Variants in ACACA observed in about 807,000 individuals in gnomAD.
The protein encoded by ACACA is acetyl-CoA carboxylase 1.
ACACA carries 103 observed loss-of-function variants against 296.1 expected under a neutral mutation model. That is an observed-to-expected ratio of 0.35 (90% CI 0.30 to 0.41). The LOEUF (loss-of-function observed/expected upper bound fraction) is 0.41, where lower values mean the gene tolerates loss of function less well. Ranked by LOEUF, ACACA falls within the 10% of genes least tolerant of loss-of-function variation. The probability of loss-of-function intolerance (pLI) is 1.00; values close to 1 mark genes in which losing one functional copy is unlikely to be tolerated. For synonymous variants in ACACA, 953 were observed against 1,038.6 expected (o/e 0.92, Z 1.58); for missense variants, 1,554 against 2,989.7 (o/e 0.52, Z 11.20).
intron 19 of ACACA, among the ~76,000 whole-genome samples, chr17:37,245,491 T>C (rs1321383636): frequency 6.6e-6 from 1 of 152,226 alleles, no homozygotes; most frequent in Admixed American, 6.5e-5. Context: ...TGTTTTGTAC[T>C]TAGAAAGTAA....
At chr17:37,332,449 T>C (rs191711193) in intron 2 of ACACA, among the ~76,000 whole-genome samples, 2 of 152,182 alleles carry the variant, frequency 1.3e-5, no homozygotes, top group African/African-American at 4.8e-5. Context: ...CAGTATTAAA[T>C]AGCTTGTACC....
chr17:37,302,732 G>T (rs891102713), intron 3 of ACACA, among the ~76,000 whole-genome samples: 13 of 151,972 alleles, frequency 8.6e-5, no homozygotes, highest in Admixed American at 4.6e-4. Context: ...TTTTTGGATT[G>T]TTCATTTCTA....
chr17:37,342,980 T>G (rs913913822), intron 1 of ACACA, among the ~76,000 whole-genome samples: 5 of 152,164 alleles, frequency 3.3e-5, no homozygotes, highest in Non-Finnish European at 7.4e-5. Flanking sequence ...TCAGAAATTT[T>G]TTTTTTCTTT....
chr17:37,282,284 C>A (rs956874954), intron 5 of ACACA, among the ~76,000 whole-genome samples: 1 of 152,142 alleles, frequency 6.6e-6, no homozygotes. Flanking sequence ...GCCTACTCCC[C>A]CTTCATCTTC....
At chr17:37,184,442 T>C (rs1181181477) in intron 39 of ACACA, among the ~76,000 whole-genome samples, 2 of 152,228 alleles carry the variant, frequency 1.3e-5, no homozygotes, top group Non-Finnish European at 2.9e-5. Context: ...ATGGAAACTC[T>C]GGAAAGCCTT....
intron 29 of ACACA, among the ~76,000 whole-genome samples, chr17:37,215,835 T>G (rs1419966111): frequency 6.6e-6 from 1 of 152,062 alleles, no homozygotes; most frequent in Non-Finnish European, 1.5e-5. Flanking sequence ...AAAAGGAATA[T>G]TCAATGATAT....
chr17:37,260,214 C>T (rs2081386035), intron 11 of ACACA, among the ~76,000 whole-genome samples: 1 of 119,686 alleles, frequency 8.4e-6, no homozygotes, highest in Non-Finnish European at 1.7e-5. Flanking sequence ...AAACAGGACA[C>T]CAGCATTGGT....
chr17:37,381,772 C>T (rs767217332), intron 1 of ACACA, among the ~76,000 whole-genome samples: 4 of 151,464 alleles, frequency 2.6e-5, no homozygotes, highest in Non-Finnish European at 4.4e-5. Context: ...GGACTACAGG[C>T]ACTCGCCACC....
At chr17:37,088,083 G>A (rs533648641) in intron 55 of ACACA, among the ~76,000 whole-genome samples, 1 of 152,214 alleles carries the variant, frequency 6.6e-6, no homozygotes, top group Non-Finnish European at 1.5e-5. Context: ...GCCCCCAGAT[G>A]TGGTGCCCTG....
intron 45 of ACACA, among the ~76,000 whole-genome samples, chr17:37,147,104 T>C (rs1303054157): frequency 6.6e-6 from 1 of 152,002 alleles, no homozygotes; most frequent in Non-Finnish European, 1.5e-5. Flanking sequence ...TTCACCCCAA[T>C]GTTTAACATA....
chr17:37,252,773 T>C, intron 15 of ACACA, 113 bp downstream of exon 15: 1 of 1,420,162 alleles, frequency 7.0e-7, no homozygotes, highest in Non-Finnish European at 9.8e-7. Context: ...TTTTTCCAGG[T>C]AGATCAAGAA....
At position 37,151,425 on chromosome 17, in the gene ACACA, T is replaced by A; in HGVS notation, c.5448-4A>T. On this transcript the variant is annotated splice_polypyrimidine_tract_variant and splice_region_variant and intron_variant, in intron 43 of 55. Coordinates refer to ENST00000616317, the MANE Select transcript of ACACA (RefSeq NM_198834.3). ...AATAATATCTGTTATCTTGTACCTA[T>A]TGGATATGGCCATGTCAAATTATGA... 6.2e-7 allele frequency: 1 copy of A among 1,613,640 alleles called. No homozygotes were observed. The highest frequency in any genetic ancestry group is 1.1e-5 in the South Asian group (1 of 91,074).
At chr17:37,315,191 T>C (rs1193404261) in intron 3 of ACACA, among the ~76,000 whole-genome samples, 3 of 151,442 alleles carry the variant, frequency 2.0e-5, no homozygotes, top group Non-Finnish European at 4.4e-5. Context: ...CTCCCGACCT[T>C]AGGTGATCCA....
chr17:37,332,273 C>T (rs778873039), intron 2 of ACACA, among the ~76,000 whole-genome samples: 12 of 149,500 alleles, frequency 8.0e-5, no homozygotes, highest in Middle Eastern at 3.5e-3. Flanking sequence ...AAAACAGCAA[C>T]ATTCATTCTC....
chr17:37,108,592 T>C (rs2073820824), intron 52 of ACACA, among the ~76,000 whole-genome samples: 1 of 152,170 alleles, frequency 6.6e-6, no homozygotes, highest in Non-Finnish European at 1.5e-5. Flanking sequence ...TTCTCCATGT[T>C]GGTCAGGCTG....
chr17:37,279,725 C>T (rs2082426873), intron 5 of ACACA, among the ~76,000 whole-genome samples: 2 of 151,792 alleles, frequency 1.3e-5, no homozygotes, highest in Admixed American at 1.3e-4. Context: ...GCATGAGAGT[C>T]GCTTGAACCC....
rs141429307 is a variant in ACACA, at chr17:37,086,938, G to T, written c.*378C>A. ...AGTGAGGGGGGCTGCTCACTGCTGG[G>T]CAACTCCTCACGCTTCCCCATGCTG... On this transcript the variant is annotated 3_prime_UTR_variant, in exon 56 of 56. Coordinates refer to ENST00000616317, the MANE Select transcript of ACACA (RefSeq NM_198834.3). 1 of 343,070 alleles carries T rather than the reference G, an allele frequency of 2.9e-6. No individual in the cohort carries two copies. The highest frequency in any genetic ancestry group is 2.1e-5 in the African/African-American group (1 of 47,216). 21.3% of individuals were successfully genotyped at this position (343,070 alleles called of 1,614,324 possible). A position where few individuals can be genotyped will look rare whatever the true frequency, so the allele number is the denominator to read the frequency against.
At chr17:37,224,905 C>A (rs2079469142) in intron 27 of ACACA, 87 bp downstream of exon 27, 1 of 532,032 alleles carries the variant, frequency 1.9e-6, no homozygotes, top group Non-Finnish European at 3.1e-6. Context: ...AATTAAGTGA[C>A]TAATTACTTA....
intron 38 of ACACA, among the ~76,000 whole-genome samples, chr17:37,190,631 C>G (rs2077715623): frequency 6.6e-6 from 1 of 152,056 alleles, no homozygotes; most frequent in Non-Finnish European, 1.5e-5. Flanking sequence ...CAAATTCTCT[C>G]CCTGTGGAAA....
Sources: allele counts gnomAD v4.1 joint callset (sites outside exome capture counted in the v4.1 genomes callset), GRCh38; gene constraint gnomAD v4.1.1; transcripts MANE v1.5; gene names NCBI Gene and HGNC (gene_info 2026-07-23, HGNC 2026-07-21).